Variants in CDKL4 observed in about 807,000 individuals in gnomAD.
CDKL4 encodes the protein cyclin-dependent kinase-like 4.
A neutral mutation model predicts 42.0 loss-of-function variants in CDKL4; 44 were observed. The ratio of observed to expected loss-of-function variants is 1.05; its 90% CI spans 0.82 to 1.35. The LOEUF is 1.35. CDKL4 is among the 40% of genes most tolerant of loss of function. CDKL4 has a pLI of 0.00. For missense variants in CDKL4, 393 were observed against 369.9 expected, an observed-to-expected ratio of 1.06 and a Z score of -0.51; for synonymous variants, 120 against 121.6, an observed-to-expected ratio of 0.99 and a Z score of 0.09.
chr2:39,241,622 G>T (rs771435662), intron 1 of CDKL4, among the ~76,000 whole-genome samples: 1 of 152,074 alleles, frequency 6.6e-6, no homozygotes, highest in Non-Finnish European at 1.5e-5. Context: ...AACACTTTCA[G>T]GTCTCTAAGT....
chr2:39,224,704 A>T (rs895472628), intron 3 of CDKL4, among the ~76,000 whole-genome samples: 45 of 152,002 alleles, frequency 3.0e-4, no homozygotes, highest in African/African-American at 1.1e-3. Flanking sequence ...GGGGTTCACC[A>T]TGTTGGCCAG....
downstream of CDKL4, among the ~76,000 whole-genome samples, chr2:39,174,519 T>G (rs995450671): frequency 2.4e-4 from 37 of 152,184 alleles, no homozygotes; most frequent in Admixed American, 2.4e-3. Context: ...TGTTTCTAAG[T>G]GCGGAAGACT....
intron 1 of CDKL4, 131 bp from the exon 2 acceptor site, chr2:39,229,719 T>A (rs1678976375): frequency 2.2e-6 from 1 of 454,580 alleles, no homozygotes; most frequent in African/African-American, 2.0e-5. Context: ...TTAAAAATAT[T>A]TGGATATTAT....
chr2:39,169,224 A>G, the CDKL4 span, among the ~76,000 whole-genome samples: 1 of 152,208 alleles, frequency 6.6e-6, no homozygotes, highest in African/African-American at 2.4e-5. Context: ...TCAAATAATG[A>G]TTACATATTA....
At chr2:39,176,621 A>G (rs921525714) in intron 9 of CDKL4, among the ~76,000 whole-genome samples, 4 of 152,086 alleles carry the variant, frequency 2.6e-5, no homozygotes, top group Admixed American at 2.6e-4. Flanking sequence ...TTTGATAAAG[A>G]CAGAGTTTCA....
At chr2:39,234,624 TG>T (rs1306233670) in intron 1 of CDKL4, among the ~76,000 whole-genome samples, 2 of 152,162 alleles carry the variant, frequency 1.3e-5, no homozygotes, top group East Asian at 3.9e-4. Context: ...ATTAGGTAGT[TG>T]GGAAAACTGA....
At chr2:39,178,941 GC>G in intron 9 of CDKL4, 1 of 1,445,288 alleles carries the variant, frequency 6.9e-7, no homozygotes, top group East Asian at 2.5e-5. Context: ...AATCAGAGCA[GC>G]CAAAGAGTTG....
chr2:39,190,461 A>T (rs777007004), exon 6 of CDKL4: 1 of 1,614,120 alleles, frequency 6.2e-7, no homozygotes, highest in Non-Finnish European at 8.5e-7. Context: ...GGAGCTCGGT[A>T]CCATCTCGTA....
At chr2:39,208,701 C>CTTTT (rs761337117) in intron 4 of CDKL4, among the ~76,000 whole-genome samples, 5 of 101,990 alleles carry the variant, frequency 4.9e-5, no homozygotes, top group Admixed American at 1.0e-4. Flanking sequence ...GACGGGCAAT[C>CTTTT]TTTTTTTTTT....
intron 1 of CDKL4, among the ~76,000 whole-genome samples, chr2:39,230,426 G>A (rs571422111): frequency 1.3e-5 from 2 of 152,284 alleles, no homozygotes; most frequent in South Asian, 4.1e-4. Context: ...AGATTCTTAA[G>A]TTCTTAGCCC....
At chr2:39,240,858 T>C (rs1251660422) in intron 1 of CDKL4, among the ~76,000 whole-genome samples, 1 of 152,004 alleles carries the variant, frequency 6.6e-6, no homozygotes, top group Admixed American at 6.6e-5. Flanking sequence ...AAATGCAAAA[T>C]CTAAATCTAA....
At chr2:39,211,892 C>T (rs1022853631) in intron 4 of CDKL4, among the ~76,000 whole-genome samples, 2 of 152,036 alleles carry the variant, frequency 1.3e-5, no homozygotes, top group African/African-American at 4.8e-5. Context: ...AAGTGTACAG[C>T]ACCACATAGC....
chr2:39,190,432 A>G (rs1160774367), exon 6 of CDKL4: 2 of 1,613,914 alleles, frequency 1.2e-6, no homozygotes, highest in African/African-American at 2.7e-5. Context: ...CATACTGAGT[A>G]TCTCCCACAA....
intron 1 of CDKL4, among the ~76,000 whole-genome samples, chr2:39,234,087 T>C (rs1006539955): frequency 1.3e-5 from 2 of 151,506 alleles, no homozygotes; most frequent in African/African-American, 4.9e-5. Context: ...CTAATTTTTG[T>C]ATTTTTTAGT....
chr2:39,187,250 T>C (rs541794952), intron 7 of CDKL4, among the ~76,000 whole-genome samples: 1 of 152,322 alleles, frequency 6.6e-6, no homozygotes, highest in East Asian at 1.9e-4. Flanking sequence ...CCAGCCATGC[T>C]GGACTGTGAG....
intron 3 of CDKL4, among the ~76,000 whole-genome samples, chr2:39,224,914 TTC>T (rs2148381677): frequency 6.6e-6 from 1 of 152,318 alleles, no homozygotes; most frequent in South Asian, 2.1e-4. Flanking sequence ...CTTTAGGTGG[TTC>T]TCTTAGATTT....
chr2:39,210,151 C>T (rs183731002), intron 4 of CDKL4, among the ~76,000 whole-genome samples: 16 of 152,094 alleles, frequency 1.1e-4, no homozygotes, highest in Admixed American at 4.6e-4. Context: ...TTGCCATGCC[C>T]GGCTAATTTT....
intron 3 of CDKL4, among the ~76,000 whole-genome samples, chr2:39,217,695 T>A (rs2148362987): frequency 6.7e-6 from 1 of 149,710 alleles, no homozygotes; most frequent in Admixed American, 6.7e-5. Flanking sequence ...ATGCCAGGCT[T>A]ATTTTATTAT....
chr2:39,230,915 G>C (rs1023576690), intron 1 of CDKL4, among the ~76,000 whole-genome samples: 1 of 152,152 alleles, frequency 6.6e-6, no homozygotes, highest in Non-Finnish European at 1.5e-5. Context: ...AAGTGCAAAA[G>C]AATGCATAAT....
Sources: gnomAD v4.1 joint callset for allele counts (sites outside exome capture counted in the v4.1 genomes callset) on GRCh38, gnomAD v4.1.1 for gene constraint, MANE v1.5 for transcripts, NCBI Gene and HGNC (gene_info 2026-07-23, HGNC 2026-07-21) for gene names.